FAM186A: variants seen among roughly 807,000 people sequenced by gnomAD.
The protein encoded by FAM186A is protein FAM186A.
FAM186A carries 163 observed loss-of-function variants against 216.8 expected under a neutral mutation model. The ratio of observed to expected loss-of-function variants is 0.75; its 90% CI spans 0.66 to 0.86. FAM186A has a LOEUF of 0.86. FAM186A is among the 40% of genes least tolerant of loss of function. The pLI, the probability that FAM186A is intolerant of heterozygous loss-of-function variation, is 0.00. For synonymous variants in FAM186A, 805 were observed against 1,025.3 expected, an observed-to-expected ratio of 0.79 and a Z score of 4.10; for missense variants, 2,184 against 2,746.2, an observed-to-expected ratio of 0.80 and a Z score of 4.58.
intron 4 of FAM186A, among the ~76,000 whole-genome samples, chr12:50,348,402 T>A (rs574715995): frequency 2.6e-5 from 4 of 152,002 alleles, no homozygotes; most frequent in East Asian, 1.9e-4. Context: ...GTATTTTTTT[T>A]AATAGAGATG....
chr12:50,336,762 G>T (rs560116617), intron 4 of FAM186A, among the ~76,000 whole-genome samples: 2 of 152,074 alleles, frequency 1.3e-5, no homozygotes, highest in East Asian at 3.9e-4. Flanking sequence ...AGACTGGAAT[G>T]GTTGGATAGT....
intron 1 of FAM186A, among the ~76,000 whole-genome samples, chr12:50,391,144 A>C (rs1943353363): frequency 6.6e-6 from 1 of 151,260 alleles, no homozygotes; most frequent in Non-Finnish European, 1.5e-5. Context: ...GCCTGCTACC[A>C]TATCTGGCTG....
At chr12:50,361,477 G>T (rs1326329023) in intron 2 of FAM186A, among the ~76,000 whole-genome samples, 6 of 151,720 alleles carry the variant, frequency 4.0e-5, no homozygotes, top group Non-Finnish European at 4.4e-5. Flanking sequence ...GGGATTACAG[G>T]CATGAGCCAC....
In FAM186A at chr12:50,374,158, G is replaced by T. The variant is rs1307712937; in HGVS notation, c.193-10794C>A. Among the ~76,000 whole-genome samples, 22 of 124,380 alleles carry T rather than the reference G, an allele frequency of 1.8e-4. 2 individuals carry two copies. The East Asian group carries it at 5.6e-3, about 32-fold the overall frequency. 81.6% of individuals were successfully genotyped at this position (124,380 alleles called of 152,430 possible). On this transcript the variant is annotated intron_variant, in intron 1 of 7. Transcript: ENST00000327337. Reference sequence around the variant, plus strand: ...ACACTCTGGGGACTGTTGTGGGGTGGGGGGAGGGGGGAGGGATAGCACTGG... The same window carrying T: ...ACACTCTGGGGACTGTTGTGGGGTGTGGGGAGGGGGGAGGGATAGCACTGG...
At chr12:50,367,416 G>A (rs1943100164) in intron 1 of FAM186A, among the ~76,000 whole-genome samples, 2 of 151,078 alleles carry the variant, frequency 1.3e-5, no homozygotes, top group African/African-American at 4.9e-5. Context: ...TACTCGGGAG[G>A]CTGAGGCAGG....
At chr12:50,368,757 T>C (rs1035933158) in intron 1 of FAM186A, among the ~76,000 whole-genome samples, 2 of 152,102 alleles carry the variant, frequency 1.3e-5, no homozygotes, top group African/African-American at 2.4e-5. Context: ...CCACATTTTC[T>C]GATTTCAAAC....
At chr12:50,376,927 T>C (rs1943203674) in intron 1 of FAM186A, among the ~76,000 whole-genome samples, 1 of 151,858 alleles carries the variant, frequency 6.6e-6, no homozygotes, top group Non-Finnish European at 1.5e-5. Context: ...ATTTTTATTT[T>C]TTTTAGAGAT....
intron 1 of FAM186A, among the ~76,000 whole-genome samples, chr12:50,366,286 C>T (rs1943086784): frequency 1.3e-5 from 2 of 152,122 alleles, no homozygotes; most frequent in Non-Finnish European, 2.9e-5. Flanking sequence ...TGAAGAATAA[C>T]ATTACAAGCT....
intron 1 of FAM186A, among the ~76,000 whole-genome samples, chr12:50,383,466 C>G (rs2136105917): frequency 6.6e-6 from 1 of 151,712 alleles, no homozygotes; most frequent in Non-Finnish European, 1.5e-5. Flanking sequence ...CGTGGTGGTG[C>G]ACACCTGTAG....
Position 50,333,904 on chromosome 12 carries a change from AG to A in FAM186A, c.6696+6del. 1 of 1,549,170 alleles carries A rather than the reference AG, an allele frequency of 6.5e-7. No individual in the cohort carries two copies. The highest frequency in any genetic ancestry group is 2.0e-5 in the Admixed American group (1 of 50,342). ...ATGCTGGACAGAGGGAGTGGAAAGC[AG>A]GTTACCTGGTTGAATACGTGTATCA... On this transcript the variant is annotated splice_donor_region_variant and intron_variant, in intron 5 of 7. Coordinates refer to ENST00000327337, the MANE Select transcript of FAM186A (RefSeq NM_001145475.3).
intron 1 of FAM186A, among the ~76,000 whole-genome samples, chr12:50,376,396 T>C (rs1268101274): frequency 6.6e-6 from 1 of 152,148 alleles, no homozygotes; most frequent in African/African-American, 2.4e-5. Context: ...CTGAAGTGAG[T>C]AGCTCCTATC....
At chr12:50,333,812 G>T in intron 5 of FAM186A, 99 bp downstream of exon 5, 5 of 1,158,136 alleles carry the variant, frequency 4.3e-6, no homozygotes, top group Non-Finnish European at 6.0e-6. Flanking sequence ...GCCCAGGAAA[G>T]TAATATGACA....
At chr12:50,392,866 C>A (rs2136109308) in intron 1 of FAM186A, among the ~76,000 whole-genome samples, 1 of 149,198 alleles carries the variant, frequency 6.7e-6, no homozygotes, top group East Asian at 2.0e-4. Flanking sequence ...CCGCCCCAGC[C>A]TCCCAAAGTT....
In FAM186A at chr12:50,334,094, T is replaced by C. The variant is rs1942683651; in HGVS notation, c.6513A>G (p.Ile2171Met). 6.5e-7 allele frequency: 1 copy of C among 1,538,180 alleles called. No homozygotes were observed. Among genetic ancestry groups the C allele is most frequent in the South Asian group, 1.2e-5 (1 of 81,374 alleles). ...YRLIQHARNN[I>M]MKRLKAIQNT... ...TTTGGATGGCTTTTAGTCGTTTCATTATGTTGTTCCTTGAAAAGATTAATA... is the reference window on the plus strand; with the variant it reads ...TTTGGATGGCTTTTAGTCGTTTCATCATGTTGTTCCTTGAAAAGATTAATA... Residue 2171 changes from isoleucine (I) to methionine (M), a missense_variant, in exon 5 of 8, where the codon ATA (isoleucine) becomes ATG (methionine). Ile to Met is a conservative substitution (Grantham distance 10, BLOSUM62 1). This residue lies in a region of FAM186A where 721 missense variants were observed against 816.4 expected (regional missense o/e 0.88). Coordinates refer to ENST00000327337, the MANE Select transcript of FAM186A (RefSeq NM_001145475.3).
intron 5 of FAM186A, among the ~76,000 whole-genome samples, chr12:50,332,885 AGACATGGT>A (rs1565878307): frequency 6.6e-6 from 1 of 151,128 alleles, no homozygotes; most frequent in Non-Finnish European, 1.5e-5. Context: ...AAAATTAACC[AGACATGGT>A]GGCAGGCACC....
chr12:50,356,547 C>T (rs1015174937), intron 3 of FAM186A, among the ~76,000 whole-genome samples: 1 of 152,112 alleles, frequency 6.6e-6, no homozygotes, highest in African/African-American at 2.4e-5. Flanking sequence ...CTCAAACAAT[C>T]CACCCACCTC....
At chr12:50,378,650 A>G (rs144774821) in intron 1 of FAM186A, among the ~76,000 whole-genome samples, 11 of 148,492 alleles carry the variant, frequency 7.4e-5, no homozygotes, top group African/African-American at 2.7e-4. Context: ...ACATATATAT[A>G]CACACACACA....
At chr12:50,390,951 A>G (rs1943351141) in intron 1 of FAM186A, among the ~76,000 whole-genome samples, 2 of 152,024 alleles carry the variant, frequency 1.3e-5, no homozygotes, top group African/African-American at 4.8e-5. Flanking sequence ...TGGACTCCCA[A>G]AGTGCTAGGA....
intron 1 of FAM186A, among the ~76,000 whole-genome samples, chr12:50,387,805 C>T (rs1238739985): frequency 2.6e-5 from 4 of 152,216 alleles, no homozygotes; most frequent in Admixed American, 2.0e-4. Flanking sequence ...CCCCTGCAAG[C>T]TCCCAGCTTG....
Sources: gnomAD v4.1 joint callset for allele counts (sites outside exome capture counted in the v4.1 genomes callset) on GRCh38, gnomAD v4.1.1 for gene constraint, gnomAD v4.1.1 regional missense constraint, MANE v1.5 for transcripts, NCBI Gene and HGNC (gene_info 2026-07-23, HGNC 2026-07-21) for gene names.